Variants in INTS6 observed in about 807,000 individuals in gnomAD.
The protein encoded by INTS6 is DEAD box protein.
In INTS6, 16 loss-of-function variants were observed where a neutral mutation model predicts 104.9. That is an observed-to-expected ratio of 0.15 (90% CI 0.10 to 0.23). The LOEUF (loss-of-function observed/expected upper bound fraction) is 0.23, where lower values mean the gene tolerates loss of function less well. INTS6 is among the 10% of genes least tolerant of loss of function. The pLI is 1.00. For synonymous variants in INTS6, 324 were observed against 358.7 expected, an observed-to-expected ratio of 0.90 and a Z score of 1.09; for missense variants, 584 against 1,062.8, an observed-to-expected ratio of 0.55 and a Z score of 6.26.
At chr13:51,347,793 T>C in the INTS6 span, among the ~76,000 whole-genome samples, 8 of 152,214 alleles carry the variant, frequency 5.3e-5, no homozygotes, top group Non-Finnish European at 7.3e-5. Context: ...GTCTACAGTA[T>C]GCCCGTTGGT....
chr13:51,408,456 T>C (rs1487551048), intron 4 of INTS6, among the ~76,000 whole-genome samples: 1 of 152,182 alleles, frequency 6.6e-6, no homozygotes, highest in Admixed American at 6.5e-5. Flanking sequence ...TTGAGTTTTA[T>C]TAATAAGTCA....
At chr13:51,374,910 A>G (rs1955887837) in intron 13 of INTS6, 114 bp from the exon 14 acceptor site, 1 of 1,056,898 alleles carries the variant, frequency 9.5e-7, no homozygotes, top group Admixed American at 2.7e-5. Context: ...CTTTACCAAC[A>G]TATTCTAAAT....
At chr13:51,343,699 A>G in the INTS6 span, among the ~76,000 whole-genome samples, 1 of 152,320 alleles carries the variant, frequency 6.6e-6, no homozygotes, top group East Asian at 1.9e-4. Flanking sequence ...AATTGAAAGC[A>G]TAGTTCTACA....
At chr13:51,358,739 C>A (rs1180304567), downstream of INTS6, among the ~76,000 whole-genome samples, 1 of 151,954 alleles carries the variant, frequency 6.6e-6, no homozygotes, top group African/African-American at 2.4e-5. Flanking sequence ...AAGGTAAAAA[C>A]CCATAGAAGA....
intron 4 of INTS6, among the ~76,000 whole-genome samples, chr13:51,428,091 T>C (rs1957016701): frequency 1.3e-5 from 2 of 152,170 alleles, no homozygotes; most frequent in Admixed American, 1.3e-4. Context: ...AAAGGGCATT[T>C]CTACAAAGGC....
chr13:51,425,024 T>C (rs1956961422), intron 4 of INTS6, among the ~76,000 whole-genome samples: 1 of 152,026 alleles, frequency 6.6e-6, no homozygotes, highest in African/African-American at 2.4e-5. Flanking sequence ...AAACATTTTA[T>C]GGGAGGTAGG....
rs138888033 is a variant in INTS6 at position 51,397,815 on chromosome 13, C to CCACA, written c.430-2336_430-2333dup. 1.9e-3 allele frequency among the ~76,000 whole-genome samples: 283 copies of CCACA among 150,086 alleles called. 3 individuals carry two copies. The highest frequency in any genetic ancestry group is 6.5e-3 in the African/African-American group (265 of 41,024). On this transcript the variant is annotated intron_variant, in intron 4 of 17. Transcript: ENST00000311234. ...TGGGGGAAAACAGGCACTGCGCGGACCACACACACACACACACATGCACAC... is the reference window on the plus strand; with the variant it reads ...TGGGGGAAAACAGGCACTGCGCGGACCACACACACACACACACACACATGCACAC...
the INTS6 span, chr13:51,340,823 A>G: frequency 1.8e-6 from 1 of 542,590 alleles, no homozygotes. Context: ...TGGCCGAAGC[A>G]GATCTTCAGA....
chr13:51,344,554 C>T, the INTS6 span: 3 of 1,283,014 alleles, frequency 2.3e-6, no homozygotes, highest in African/African-American at 3.0e-5. Flanking sequence ...TCACCCATCA[C>T]TTGTCAGAGG....
intron 3 of INTS6, among the ~76,000 whole-genome samples, chr13:51,431,140 A>G (rs938590789): frequency 1.3e-5 from 2 of 152,182 alleles, no homozygotes; most frequent in Admixed American, 1.3e-4. Context: ...TCTAGGCGAC[A>G]CATCTGTAAG....
intron 4 of INTS6, among the ~76,000 whole-genome samples, chr13:51,400,802 C>T (rs116721870): frequency 0.02 from 3,046 of 152,000 alleles, 53 homozygotes; most frequent in African/African-American, 0.05. Context: ...TTGTTGATTA[C>T]GGGAAGGGAA....
chr13:51,405,723 G>A (rs577777004), intron 4 of INTS6, among the ~76,000 whole-genome samples: 47 of 152,196 alleles, frequency 3.1e-4, no homozygotes, highest in Non-Finnish European at 5.3e-4. Context: ...AAATGATGGA[G>A]ACAGAAGCCA....
chr13:51,376,438 C>T (rs751137022), intron 12 of INTS6, among the ~76,000 whole-genome samples: 17 of 152,060 alleles, frequency 1.1e-4, no homozygotes, highest in Non-Finnish European at 2.4e-4. Flanking sequence ...AAGAAGTAAA[C>T]TCATTTAAGT....
intron 4 of INTS6, among the ~76,000 whole-genome samples, chr13:51,397,447 C>T (rs1956359271): frequency 1.3e-5 from 2 of 152,140 alleles, no homozygotes; most frequent in Non-Finnish European, 1.5e-5. Context: ...GCAGAAGCAA[C>T]AGAGAAGGAA....
the INTS6 span, among the ~76,000 whole-genome samples, chr13:51,337,554 A>G: frequency 6.6e-6 from 1 of 152,218 alleles, no homozygotes; most frequent in Non-Finnish European, 1.5e-5. Flanking sequence ...GGCTCCTGAC[A>G]GCACCAAGAC....
rs768653185 is a variant in INTS6 at position 51,363,080 on chromosome 13, G to C, written c.*2672C>G. 6.6e-6 allele frequency: 1 copy of C among 151,848 alleles called. No homozygotes were observed. The highest frequency in any genetic ancestry group is 1.5e-5 in the Non-Finnish European group (1 of 67,858). 9.4% of individuals were successfully genotyped at this position (151,848 alleles called of 1,614,324 possible). ...AGGTTCTACTCCCTAAGGAAACAAA[G>C]AGACAGGACTACATTTGAACAGAAA... On this transcript the variant is annotated 3_prime_UTR_variant, in exon 18 of 18. Coordinates refer to ENST00000311234, the MANE Select transcript of INTS6 (RefSeq NM_012141.3).
chr13:51,381,249 T>C (rs2137912376), intron 10 of INTS6, among the ~76,000 whole-genome samples: 1 of 152,322 alleles, frequency 6.6e-6, no homozygotes, highest in South Asian at 2.1e-4. Flanking sequence ...CCCTCACAGA[T>C]ACTGAGAGAC....
rs1953097468 is a variant in INTS6 at position 51,452,911 on chromosome 13, G to A, written c.-386C>T. ...ACCCCCGGTACAGGAGTGGGGACCT[G>A]GGAGCTGGCGAAGAGGGGAGTGGGC... On this transcript the variant is annotated 5_prime_UTR_variant, in exon 1 of 18. Transcript: ENST00000311234. The surrounding 1 kb of genome is among the most constrained non-coding windows in gnomAD (Gnocchi z 4.2). 9.2e-7 allele frequency: 1 copy of A among 1,085,786 alleles called. No individual in the cohort carries two copies. 67.3% of individuals were successfully genotyped at this position (1,085,786 alleles called of 1,614,324 possible). A position where few individuals can be genotyped will look rare whatever the true frequency, so the allele number is the denominator to read the frequency against.
the INTS6 span, chr13:51,341,267 T>C: frequency 6.2e-7 from 1 of 1,613,198 alleles, no homozygotes. Flanking sequence ...GGTGTGTCCC[T>C]CCCCCTGGAG....
Sources: allele counts gnomAD v4.1 joint callset (sites outside exome capture counted in the v4.1 genomes callset), GRCh38; gene constraint gnomAD v4.1.1; non-coding constraint Gnocchi (gnomAD v3.1); transcripts MANE v1.5; gene names NCBI Gene and HGNC (gene_info 2026-07-23, HGNC 2026-07-21).